The following BRINP3 variants were observed in gnomAD, a reference collection of about 807,000 sequenced individuals.
BRINP3 encodes BMP/retinoic acid-inducible neural-specific protein 3.
A neutral mutation model predicts 71.0 loss-of-function variants in BRINP3; 19 were observed. The observed-to-expected ratio is 0.27, with a 90% confidence interval of 0.19 to 0.39. The LOEUF (loss-of-function observed/expected upper bound fraction) is 0.39, where lower values mean the gene tolerates loss of function less well. Among genes scored for constraint, BRINP3 ranks in the 10% least tolerant of loss-of-function variants. The pLI is 1.00. For synonymous variants in BRINP3, 380 were observed against 337.7 expected (o/e 1.13, Z -1.37); for missense variants, 959 against 940.8 (o/e 1.02, Z -0.25).
At chr1:190,467,311 C>T (rs1162955282) in intron 1 of BRINP3, among the ~76,000 whole-genome samples, 2 of 151,534 alleles carry the variant, frequency 1.3e-5, no homozygotes, top group Non-Finnish European at 3.0e-5. Context: ...TTGCTATATT[C>T]CCAGGGTTTA....
In BRINP3 at chr1:190,099,107, G is replaced by C; in HGVS notation, c.1212C>G (p.Ile404Met). The C allele has an allele frequency of 6.2e-7, 1 of 1,613,992 alleles. No individual in the cohort carries two copies. The highest frequency in any genetic ancestry group is 8.5e-7 in the Non-Finnish European group (1 of 1,179,930). ...TCTCATTGCAGTAGAGAAAAGACTG[G>C]ATGCGAGTAAGCCAGTAGGTTGAGG... is the stretch of plus-strand genomic sequence containing the variant. ...QRTSTYWLTR[I>M]QSFLYCNENG... The change falls in exon 8 of 8, where the codon ATC becomes ATG. Residue 404 changes from isoleucine to methionine, a missense_variant. Coordinates refer to ENST00000367462, the MANE Select transcript of BRINP3 (RefSeq NM_199051.3).
At chr1:190,251,173 T>C (rs1357547088) in intron 4 of BRINP3, among the ~76,000 whole-genome samples, 1 of 152,006 alleles carries the variant, frequency 6.6e-6, no homozygotes, top group Non-Finnish European at 1.5e-5. Flanking sequence ...TTGAAATTTC[T>C]ACTCCCTTAC....
intron 4 of BRINP3, among the ~76,000 whole-genome samples, chr1:190,249,260 C>T (rs1659898772): frequency 6.6e-6 from 1 of 151,792 alleles, no homozygotes; most frequent in Non-Finnish European, 1.5e-5. Flanking sequence ...CAGCCCTAAG[C>T]ACAGCACAGA....
chr1:190,343,350 A>G (rs183896305), intron 2 of BRINP3, among the ~76,000 whole-genome samples: 31 of 151,978 alleles, frequency 2.0e-4, no homozygotes, highest in Admixed American at 8.5e-4. Context: ...GAATAAATGC[A>G]GAAACTTTGC....
chr1:190,181,083 C>A (rs1652989020), intron 6 of BRINP3, among the ~76,000 whole-genome samples: 4 of 152,076 alleles, frequency 2.6e-5, no homozygotes, highest in Non-Finnish European at 4.4e-5. Flanking sequence ...TAACCCCTGG[C>A]AAACACTACC....
chr1:190,318,047 G>T (rs1409681305), intron 2 of BRINP3, among the ~76,000 whole-genome samples: 2 of 152,030 alleles, frequency 1.3e-5, no homozygotes, highest in East Asian at 1.9e-4. Context: ...TCCAAGGAAA[G>T]AAGCAAATCA....
intron 7 of BRINP3, 57 bp downstream of exon 7, chr1:190,160,611 T>C (rs1433011129): frequency 4.1e-6 from 6 of 1,454,104 alleles, no homozygotes; most frequent in Non-Finnish European, 5.7e-6. Flanking sequence ...GAAAAATAAA[T>C]AGAACTCACT....
At chr1:190,121,499 T>C (rs1571758110) in intron 7 of BRINP3, among the ~76,000 whole-genome samples, 1 of 152,174 alleles carries the variant, frequency 6.6e-6, no homozygotes, top group African/African-American at 2.4e-5. Context: ...CAATGTGCTA[T>C]TGATATGTTT....
At chr1:190,211,350 A>T (rs762854906) in intron 6 of BRINP3, among the ~76,000 whole-genome samples, 187 of 152,236 alleles carry the variant, frequency 1.2e-3, no homozygotes, top group Non-Finnish European at 2.2e-3. Flanking sequence ...AGAACCCTGG[A>T]TAATACAGGT....
At chr1:190,460,736 G>A (rs1676335384) in intron 1 of BRINP3, among the ~76,000 whole-genome samples, 2 of 152,140 alleles carry the variant, frequency 1.3e-5, no homozygotes, top group South Asian at 2.1e-4. Flanking sequence ...AAAACTAAAC[G>A]TTCTCCAAAC....
intron 6 of BRINP3, among the ~76,000 whole-genome samples, chr1:190,198,258 T>C (rs1654673917): frequency 6.6e-6 from 1 of 152,182 alleles, no homozygotes; most frequent in Non-Finnish European, 1.5e-5. Flanking sequence ...GAGACTGCTG[T>C]GAAAAACCTC....
intron 7 of BRINP3, among the ~76,000 whole-genome samples, chr1:190,157,412 G>A (rs552043494): frequency 3.0e-4 from 45 of 152,030 alleles, no homozygotes; most frequent in African/African-American, 6.0e-4. Flanking sequence ...AATGATTGCC[G>A]TTCCTTGAGA....
chr1:190,143,979 G>T (rs941797383), intron 7 of BRINP3, among the ~76,000 whole-genome samples: 23 of 152,160 alleles, frequency 1.5e-4, no homozygotes, highest in African/African-American at 5.3e-4. Context: ...CAAGGAGCAT[G>T]ATGTCTGGTT....
chr1:190,412,366 TCAAA>T (rs1051567083), intron 2 of BRINP3, among the ~76,000 whole-genome samples: 1 of 143,924 alleles, frequency 6.9e-6, no homozygotes, highest in Non-Finnish European at 1.5e-5. Flanking sequence ...GATAAAAATG[TCAAA>T]CAACAAAGAA....
chr1:190,162,726 T>G (rs1651119184), intron 6 of BRINP3, among the ~76,000 whole-genome samples: 2 of 152,302 alleles, frequency 1.3e-5, no homozygotes, highest in South Asian at 4.1e-4. Context: ...TCATAAATTT[T>G]ATTGAAGATA....
At chr1:190,378,907 C>T (rs1441546279) in intron 2 of BRINP3, among the ~76,000 whole-genome samples, 1 of 152,122 alleles carries the variant, frequency 6.6e-6, no homozygotes, top group Non-Finnish European at 1.5e-5. Flanking sequence ...ACTTGCTTGG[C>T]AAGGGGAACC....
At chr1:190,180,516 AT>A (rs1652936086) in intron 6 of BRINP3, among the ~76,000 whole-genome samples, 1 of 152,082 alleles carries the variant, frequency 6.6e-6, no homozygotes, top group Admixed American at 6.6e-5. Flanking sequence ...CTTATGATAT[AT>A]TTTTAGGATA....
chr1:190,458,411 GC>G (rs1376341895), intron 1 of BRINP3, among the ~76,000 whole-genome samples: 4 of 152,018 alleles, frequency 2.6e-5, no homozygotes, highest in Non-Finnish European at 5.9e-5. Flanking sequence ...ATAATAGAAT[GC>G]CTAAGGCAAG....
At chr1:190,315,181 T>C (rs1665798836) in intron 2 of BRINP3, among the ~76,000 whole-genome samples, 1 of 151,918 alleles carries the variant, frequency 6.6e-6, no homozygotes, top group South Asian at 2.1e-4. Context: ...TGCAAGAAAA[T>C]GTAATAAAGG....
Sources: gnomAD v4.1 joint callset for allele counts (sites outside exome capture counted in the v4.1 genomes callset) on GRCh38, gnomAD v4.1.1 for gene constraint, MANE v1.5 for transcripts, NCBI Gene and HGNC (gene_info 2026-07-23, HGNC 2026-07-21) for gene names.